Variants in GAS2 observed in about 807,000 individuals in gnomAD.
GAS2 encodes the protein growth arrest-specific protein 2.
Under a neutral mutation model 37.5 loss-of-function variants are expected in GAS2, and 20 were observed. That is an observed-to-expected ratio of 0.53 (90% confidence interval 0.37 to 0.77). The LOEUF (loss-of-function observed/expected upper bound fraction) is 0.77. Ranked by LOEUF, GAS2 falls within the 30% of genes least tolerant of loss-of-function variation. The probability of loss-of-function intolerance (pLI) is 0.00; values close to 1 mark genes in which losing one functional copy is unlikely to be tolerated. For synonymous variants in GAS2, 144 were observed against 132.2 expected, an observed-to-expected ratio of 1.09 and a Z score of -0.61; for missense variants, 336 against 373.4, an observed-to-expected ratio of 0.90 and a Z score of 0.82.
intron 1 of GAS2, among the ~76,000 whole-genome samples, chr11:22,643,327 G>T (rs1260147785): frequency 6.6e-6 from 1 of 152,058 alleles, no homozygotes; most frequent in South Asian, 2.1e-4. Flanking sequence ...CAGAATCTGA[G>T]CATTTAATTT....
chr11:22,660,294 G>A (rs555926192), intron 1 of GAS2, among the ~76,000 whole-genome samples: 8 of 152,196 alleles, frequency 5.3e-5, no homozygotes, highest in African/African-American at 1.4e-4. Flanking sequence ...TCAGAGAAGG[G>A]ATGTATAAGA....
chr11:22,736,420 A>T (rs1412580691), intron 4 of GAS2, among the ~76,000 whole-genome samples: 2 of 152,088 alleles, frequency 1.3e-5, no homozygotes, highest in Non-Finnish European at 2.9e-5. Context: ...TAATGGTGGG[A>T]TTAGAATTCT....
intron 1 of GAS2, among the ~76,000 whole-genome samples, chr11:22,671,983 A>G (rs1426546773): frequency 1.1e-5 from 1 of 88,802 alleles, no homozygotes; most frequent in East Asian, 6.3e-4. Context: ...AGTGATTTGA[A>G]ATGTGAAAAA....
chr11:22,727,508 T>C (rs1358189265), intron 4 of GAS2, among the ~76,000 whole-genome samples: 4 of 152,054 alleles, frequency 2.6e-5, no homozygotes, highest in Non-Finnish European at 2.9e-5. Flanking sequence ...TCTGTATTTG[T>C]TCTCAGAGGA....
chr11:22,687,642 C>T (rs925239178), intron 3 of GAS2, among the ~76,000 whole-genome samples: 1 of 152,230 alleles, frequency 6.6e-6, no homozygotes, highest in Non-Finnish European at 1.5e-5. Context: ...TGTGAGGAGA[C>T]TGTTTATGAA....
At chr11:22,675,101 G>A in intron 2 of GAS2, 87 bp downstream of exon 2, 1 of 1,272,426 alleles carries the variant, frequency 7.9e-7, no homozygotes, top group South Asian at 1.6e-5. Context: ...CTAAGCATGT[G>A]ATAGCACCTT....
chr11:22,656,950 T>C (rs566062050), intron 1 of GAS2, among the ~76,000 whole-genome samples: 1 of 152,324 alleles, frequency 6.6e-6, no homozygotes, highest in Non-Finnish European at 1.5e-5. Flanking sequence ...ATACAGAAAT[T>C]TCTGATCCCA....
rs148045200 is a variant in GAS2, at chr11:22,710,860, C to T, written c.268-15432C>T. Among the ~76,000 whole-genome samples, 1,264 of 152,144 alleles carry T rather than the reference C, an allele frequency of 8.3e-3. 10 individuals carry two copies. Among genetic ancestry groups the T allele is most frequent in the Non-Finnish European group, 0.011 (748 of 68,002 alleles). On this transcript the variant is annotated intron_variant, in intron 3 of 7. Coordinates refer to ENST00000454584, the MANE Select transcript of GAS2 (RefSeq NM_001143830.3). ...TATCATTAATTTTTTTTCCTTTAGT[C>T]CATCCTTGACAGCAATGTCATAATT...
At chr11:22,733,685 G>C (rs1482943950) in intron 4 of GAS2, among the ~76,000 whole-genome samples, 2 of 151,596 alleles carry the variant, frequency 1.3e-5, no homozygotes, top group Non-Finnish European at 3.0e-5. Flanking sequence ...ATAGAATCTA[G>C]GTTATGAGAG....
At chr11:22,669,268 TTAGA>T (rs1344700350) in intron 1 of GAS2, among the ~76,000 whole-genome samples, 1 of 30,792 alleles carries the variant, frequency 3.2e-5, no homozygotes, top group Non-Finnish European at 2.6e-4. Flanking sequence ...ACAATAGTCA[TTAGA>T]CTGTCATTAG....
intron 4 of GAS2, among the ~76,000 whole-genome samples, chr11:22,727,578 G>A (rs1565112864): frequency 6.6e-6 from 1 of 151,860 alleles, no homozygotes; most frequent in Non-Finnish European, 1.5e-5. Flanking sequence ...TAGCAAAGAT[G>A]GGAACAGCAT....
intron 3 of GAS2, among the ~76,000 whole-genome samples, chr11:22,724,611 A>G (rs1852107162): frequency 6.6e-6 from 1 of 152,084 alleles, no homozygotes; most frequent in African/African-American, 2.4e-5. Flanking sequence ...ATTACTTGAT[A>G]TCTGGACAAA....
rs1048531476 is a variant in GAS2, at chr11:22,739,036, G to T, written c.473+1268G>T. Among the ~76,000 whole-genome samples, 8 of 152,258 alleles carry T rather than the reference G, an allele frequency of 5.3e-5. No homozygotes were observed. The South Asian group carries it at 8.3e-4, about 16-fold the overall frequency. On this transcript the variant is annotated intron_variant, in intron 5 of 7. Coordinates refer to ENST00000454584, the MANE Select transcript of GAS2 (RefSeq NM_001143830.3). Reference sequence around the variant, plus strand: ...CTCTGGGGGAGAACTCTCTAGTCTTGGTCCTTTCAGATGTCTACTGCTCAG... The same window carrying T: ...CTCTGGGGGAGAACTCTCTAGTCTTTGTCCTTTCAGATGTCTACTGCTCAG...
chr11:22,742,975 C>G (rs147597406), intron 5 of GAS2, among the ~76,000 whole-genome samples: 7 of 152,190 alleles, frequency 4.6e-5, no homozygotes, highest in African/African-American at 1.7e-4. Flanking sequence ...TTAAGTTACT[C>G]TAGCCTCACT....
At chr11:22,700,774 G>A (rs1309816796) in intron 3 of GAS2, among the ~76,000 whole-genome samples, 5 of 152,136 alleles carry the variant, frequency 3.3e-5, no homozygotes, top group Non-Finnish European at 7.3e-5. Context: ...AGCATCAGAT[G>A]AGCGATAGCT....
intron 4 of GAS2, among the ~76,000 whole-genome samples, chr11:22,727,310 A>G (rs930707288): frequency 6.6e-6 from 1 of 152,102 alleles, no homozygotes; most frequent in African/African-American, 2.4e-5. Context: ...TTAAAAATCA[A>G]TTTAATAGGT....
intron 3 of GAS2, among the ~76,000 whole-genome samples, chr11:22,716,359 A>T (rs1433632259): frequency 1.3e-5 from 2 of 152,126 alleles, no homozygotes; most frequent in African/African-American, 4.8e-5. Context: ...AAGAAAGGGT[A>T]TTCAGGCCGG....
intron 7 of GAS2, among the ~76,000 whole-genome samples, chr11:22,781,992 C>T (rs1855576894): frequency 6.6e-6 from 1 of 152,112 alleles, no homozygotes; most frequent in Non-Finnish European, 1.5e-5. Flanking sequence ...TGATGGTCTG[C>T]ATTTCATGTA....
chr11:22,651,337 A>C (rs946428095), intron 1 of GAS2, among the ~76,000 whole-genome samples: 1 of 152,178 alleles, frequency 6.6e-6, no homozygotes, highest in Non-Finnish European at 1.5e-5. Flanking sequence ...ACTTTCGCTC[A>C]GACTGCCCTT....
Sources: allele counts gnomAD v4.1 joint callset (sites outside exome capture counted in the v4.1 genomes callset), GRCh38; gene constraint gnomAD v4.1.1; transcripts MANE v1.5; gene names NCBI Gene and HGNC (gene_info 2026-07-23, HGNC 2026-07-21).